CHRNA7: variants seen among roughly 807,000 people sequenced by gnomAD.
The protein encoded by CHRNA7 is cholinergic receptor nicotinic alpha 7 subunit, also known as neuronal acetylcholine receptor subunit alpha-7.
CHRNA7 carries 17 observed loss-of-function variants against 48.0 expected under a neutral mutation model. The ratio of observed to expected loss-of-function variants is 0.35; its 90% CI spans 0.24 to 0.53. The LOEUF is 0.53. CHRNA7 is among the 20% of genes least tolerant of loss of function. CHRNA7 has a pLI of 0.92. For synonymous variants in CHRNA7, 75 were observed against 242.3 expected, an observed-to-expected ratio of 0.31 and a Z score of 6.41; for missense variants, 155 against 577.7, an observed-to-expected ratio of 0.27 and a Z score of 7.50.
At chr15:32,101,849 C>G (rs946644627) in intron 3 of CHRNA7, 2 of 151,866 alleles carry the variant, frequency 1.3e-5, no homozygotes, top group African/African-American at 4.8e-5. Context: ...CAATACTAAT[C>G]TAAATTTGAT....
At chr15:32,148,870 T>C (rs1470408894) in intron 4 of CHRNA7, among the ~76,000 whole-genome samples, 3 of 152,250 alleles carry the variant, frequency 2.0e-5, no homozygotes, top group Admixed American at 1.3e-4. Flanking sequence ...GCCAGGGGCC[T>C]GTCCACATCC....
rs1372676276 is a variant in CHRNA7 at position 32,157,474 on chromosome 15, AAGAC to A, written c.431-130_431-127del. 1.0e-5 allele frequency: 8 copies of A among 796,248 alleles called. 2 individuals carry two copies. The African/African-American group carries it at 1.0e-4, about 10-fold the overall frequency. The allele number at this position is 796,248 out of a possible 1,614,324, so 49.3% of individuals were successfully genotyped here. A position where few individuals can be genotyped will look rare whatever the true frequency, so the allele number is the denominator to read the frequency against. ...TTTACAGATTTTGCGAATAAATAAA[AAGAC>A]AGATTCCATTTGCTCTGGACTGTGT... is the stretch of plus-strand genomic sequence containing the variant. On this transcript the variant is annotated intron_variant, in intron 5 of 9. Transcript: ENST00000306901.
At chr15:32,094,245 C>T (rs1214987638) in intron 2 of CHRNA7, among the ~76,000 whole-genome samples, 1 of 152,176 alleles carries the variant, frequency 6.6e-6, no homozygotes, top group Non-Finnish European at 1.5e-5. Flanking sequence ...AGGTTGCACA[C>T]ACTTTTTGAA....
Position 32,062,335 on chromosome 15 carries a change from T to C in CHRNA7, c.195+31298T>C, listed in dbSNP as rs180696355. 3.9e-5 allele frequency among the ~76,000 whole-genome samples: 6 copies of C among 152,326 alleles called. No homozygotes were observed. The East Asian group carries it at 1.2e-3, about 29-fold the overall frequency. ...TTTTTGTTTAAATTAATATATAATG[T>C]TTATATTAAAATCTGTAAACTCATG... On this transcript the variant is annotated intron_variant, in intron 2 of 9. Coordinates refer to ENST00000306901, the MANE Select transcript of CHRNA7 (RefSeq NM_000746.6).
intron 2 of CHRNA7, among the ~76,000 whole-genome samples, chr15:32,097,285 G>A (rs781374844): frequency 1.3e-5 from 2 of 152,122 alleles, no homozygotes; most frequent in Non-Finnish European, 2.9e-5. Flanking sequence ...TGGAATTGCT[G>A]AAACCCACTT....
At chr15:32,061,392 C>T (rs1206963026) in intron 2 of CHRNA7, among the ~76,000 whole-genome samples, 2 of 152,138 alleles carry the variant, frequency 1.3e-5, no homozygotes, top group Non-Finnish European at 2.9e-5. Context: ...CTTCCAGATC[C>T]CTTCCCATCA....
rs150753710 is a variant in CHRNA7, at chr15:32,083,814, C to T, written c.196-17489C>T. 4.0e-3 allele frequency among the ~76,000 whole-genome samples: 615 copies of T among 152,260 alleles called. 2 individuals carry two copies. Among genetic ancestry groups the T allele is most frequent in the Admixed American group, 5.8e-3 (88 of 15,294 alleles). ...CACTTAAATTATGAAAAAGTTCCAA[C>T]GCAATTTGGTTCCTGATTTTGTGAT... On this transcript the variant is annotated intron_variant, in intron 2 of 9. Transcript: ENST00000306901.
chr15:32,131,112 T>A (rs956921098), intron 4 of CHRNA7, among the ~76,000 whole-genome samples: 2 of 152,172 alleles, frequency 1.3e-5, no homozygotes, highest in African/African-American at 2.4e-5. Context: ...AGATTTTCTC[T>A]TTGTGTTTAA....
intron 2 of CHRNA7, among the ~76,000 whole-genome samples, chr15:32,086,286 G>A (rs1461086829): frequency 6.6e-6 from 1 of 150,832 alleles, no homozygotes; most frequent in Admixed American, 6.6e-5. Context: ...GGAGAATGGC[G>A]TGAACCCTGG....
intron 2 of CHRNA7, among the ~76,000 whole-genome samples, chr15:32,089,221 A>G (rs1010946777): frequency 1.3e-5 from 2 of 152,064 alleles, no homozygotes; most frequent in South Asian, 4.1e-4. Context: ...TCTTTCAACT[A>G]TTCTTTCTGC....
rs1181841600 is a variant in CHRNA7, at chr15:32,046,572, C to T, written c.195+15535C>T. Among the ~76,000 whole-genome samples, 6 of 151,916 alleles carry T rather than the reference C, an allele frequency of 3.9e-5. No individual in the cohort carries two copies. In the South Asian group the frequency reaches 6.2e-4, roughly 16 times the overall value. On this transcript the variant is annotated intron_variant, in intron 2 of 9. Transcript: ENST00000306901. ...TCATTGTAGATTCTGGATATTAGCC[C>T]TTTGTCAGATGAGTAGGTCGCGAAA...
At chr15:32,054,818 G>T (rs896134944) in intron 2 of CHRNA7, among the ~76,000 whole-genome samples, 4 of 152,156 alleles carry the variant, frequency 2.6e-5, no homozygotes, top group Non-Finnish European at 4.4e-5. Context: ...ATTTCTTCTA[G>T]ATTTTGTCTG....
chr15:32,135,954 C>T (rs1453216783), intron 4 of CHRNA7, among the ~76,000 whole-genome samples: 1 of 152,144 alleles, frequency 6.6e-6, no homozygotes, highest in Non-Finnish European at 1.5e-5. Context: ...AAATAATTGT[C>T]AACCTAGAGT....
intron 4 of CHRNA7, among the ~76,000 whole-genome samples, chr15:32,124,291 C>CA (rs1183215651): frequency 6.6e-6 from 1 of 151,924 alleles, no homozygotes; most frequent in Non-Finnish European, 1.5e-5. Flanking sequence ...TAAAAAGGGA[C>CA]AAAATGAATA....
chr15:32,097,391 A>G (rs1595442219), intron 2 of CHRNA7, among the ~76,000 whole-genome samples: 1 of 152,234 alleles, frequency 6.6e-6, no homozygotes, highest in Non-Finnish European at 1.5e-5. Context: ...TGATTAGTCC[A>G]TGACGGTGCA....
intron 3 of CHRNA7, among the ~76,000 whole-genome samples, chr15:32,103,641 C>T (rs1350285634): frequency 1.3e-5 from 2 of 152,122 alleles, no homozygotes; most frequent in Non-Finnish European, 2.9e-5. Flanking sequence ...GATCTGTGCT[C>T]TCCTGGAAGG....
intron 2 of CHRNA7, among the ~76,000 whole-genome samples, chr15:32,054,862 T>C (rs2049757767): frequency 6.6e-6 from 1 of 152,240 alleles, no homozygotes; most frequent in Admixed American, 6.5e-5. Flanking sequence ...GTGTTACATG[T>C]CTTCTGACGG....
chr15:32,093,501 C>G (rs1029776703), intron 2 of CHRNA7, among the ~76,000 whole-genome samples: 8 of 152,234 alleles, frequency 5.3e-5, no homozygotes, highest in Non-Finnish European at 1.2e-4. Context: ...CGGGCAAGCT[C>G]TCTTATTCCT....
At chr15:32,040,632 T>A (rs1275237547) in intron 2 of CHRNA7, among the ~76,000 whole-genome samples, 3 of 151,504 alleles carry the variant, frequency 2.0e-5, no homozygotes, top group Non-Finnish European at 4.4e-5. Flanking sequence ...ATGTATTATA[T>A]ATGTATATAT....
Sources: allele counts gnomAD v4.1 joint callset (sites outside exome capture counted in the v4.1 genomes callset), GRCh38; gene constraint gnomAD v4.1.1; transcripts MANE v1.5; gene names NCBI Gene and HGNC (gene_info 2026-07-23, HGNC 2026-07-21).